GSE1: variants seen among roughly 807,000 people sequenced by gnomAD.
GSE1 encodes the protein genetic suppressor element 1.
A neutral mutation model predicts 112.6 loss-of-function variants in GSE1; 32 were observed. The observed-to-expected ratio is 0.28, with a 90% CI of 0.21 to 0.38. The LOEUF is 0.38. Ranked by LOEUF, GSE1 falls within the 10% of genes least tolerant of loss-of-function variation. GSE1 has a pLI of 1.00. For missense variants in GSE1, 2,348 were observed against 1,699.2 expected (o/e 1.38, Z -6.71); for synonymous variants, 1,115 against 735.6 (o/e 1.52, Z -8.35).
intron 1 of GSE1, among the ~76,000 whole-genome samples, chr16:85,224,947 G>A (rs1430291899): frequency 6.6e-6 from 1 of 152,152 alleles, no homozygotes; most frequent in African/African-American, 2.4e-5. Flanking sequence ...GGCCAATATG[G>A]TGAAACCCTG....
intron 1 of GSE1, among the ~76,000 whole-genome samples, chr16:85,175,605 T>A (rs1597719466): frequency 1.3e-5 from 2 of 152,086 alleles, no homozygotes; most frequent in Non-Finnish European, 1.5e-5. Flanking sequence ...CGACGCTGGG[T>A]TTCTGAGATT....
At chr16:85,667,094 C>T (rs554367432) in intron 13 of GSE1, among the ~76,000 whole-genome samples, 164 of 152,356 alleles carry the variant, frequency 1.1e-3, no homozygotes, top group African/African-American at 3.9e-3. Flanking sequence ...GGTTCTGGAG[C>T]CAGTTCTCCA....
Position 85,500,998 on chromosome 16 carries a change from G to GTTTTTTTTTTTTTTTTTTTTT in GSE1, c.2465-132911_2465-132891dup, listed in dbSNP as rs55650214. Among the ~76,000 whole-genome samples the GTTTTTTTTTTTTTTTTTTTTT allele has an allele frequency of 1.1e-4, 7 of 64,836 alleles. 1 individual carries two copies. Among genetic ancestry groups the GTTTTTTTTTTTTTTTTTTTTT allele is most frequent in the African/African-American group, 3.3e-4 (5 of 15,188 alleles). 42.5% of individuals were successfully genotyped at this position (64,836 alleles called of 152,430 possible). A position where few individuals can be genotyped will look rare whatever the true frequency, so the allele number is the denominator to read the frequency against. On this transcript the variant is annotated intron_variant, in intron 2 of 2. Coordinates refer to the GSE1 transcript ENST00000637419. The stretch of plus-strand genomic sequence containing the variant: ...ACCCTACTCCAGTATGGCCTGTTCT[G>GTTTTTTTTTTTTTTTTTTTTT]TTTTTTTTTTTTTTTTTTTTTTTTT...
intron 2 of GSE1, among the ~76,000 whole-genome samples, chr16:85,532,634 C>T (rs1050050961): frequency 1.3e-5 from 2 of 152,140 alleles, no homozygotes; most frequent in African/African-American, 2.4e-5. Context: ...GGTCGCCTCC[C>T]ACCGCCCCGC....
chr16:85,374,773 CG>C (rs1379968651), intron 2 of GSE1, among the ~76,000 whole-genome samples: 1 of 152,116 alleles, frequency 6.6e-6, no homozygotes, highest in Non-Finnish European at 1.5e-5. Context: ...CACGCAGTTT[CG>C]GGACCCTCGC....
intron 2 of GSE1, among the ~76,000 whole-genome samples, chr16:85,396,423 T>G (rs76943217): frequency 0.018 from 2,748 of 152,280 alleles, 97 homozygotes; most frequent in African/African-American, 0.061. Context: ...CACCTCTGAT[T>G]AGTTGTTTCC....
At chr16:85,491,868 G>A (rs556096585) in intron 2 of GSE1, among the ~76,000 whole-genome samples, 3 of 152,312 alleles carry the variant, frequency 2.0e-5, no homozygotes, top group Non-Finnish European at 2.9e-5. Context: ...GGTCAGCCAG[G>A]GGGTGGCTGT....
At chr16:85,378,068 T>G (rs2047461398) in intron 2 of GSE1, among the ~76,000 whole-genome samples, 1 of 152,154 alleles carries the variant, frequency 6.6e-6, no homozygotes, top group Non-Finnish European at 1.5e-5. Context: ...CCACGTCTCT[T>G]GGAGACAGAC....
At chr16:85,199,719 T>A (rs1400502137) in intron 1 of GSE1, among the ~76,000 whole-genome samples, 1 of 152,060 alleles carries the variant, frequency 6.6e-6, no homozygotes, top group Non-Finnish European at 1.5e-5. Flanking sequence ...CCAAAAAGGA[T>A]GACATTGGGA....
chr16:85,195,631 A>G (rs1261516364), intron 1 of GSE1, among the ~76,000 whole-genome samples: 2 of 152,162 alleles, frequency 1.3e-5, no homozygotes, highest in African/African-American at 4.8e-5. Context: ...ATCGAGGTAA[A>G]GATTCCAGGG....
At chr16:85,551,567 C>T (rs1449648950), upstream of GSE1, among the ~76,000 whole-genome samples, 1 of 152,230 alleles carries the variant, frequency 6.6e-6, no homozygotes, top group Non-Finnish European at 1.5e-5. Flanking sequence ...AGGCTCACGG[C>T]GGGGCACGGT....
chr16:85,668,419 T>C lies in GSE1; in HGVS notation c.3410T>C (p.Ile1137Thr), dbSNP rs200276603. The C allele has an allele frequency of 4.2e-5, 66 of 1,563,794 alleles. No homozygotes were observed. Among genetic ancestry groups the C allele is most frequent in the East Asian group, 2.2e-4 (10 of 44,504 alleles). ...EAVFEAYQEH[I>T]EEQNLERQVL... ...GTTTTTGAAGCTTACCAGGAACACA[T>C]AGAAGGTAAGGGGGTGCTGGGGAAG... The change falls in exon 14 of 16, where the codon ATA becomes ACA. Residue 1137 changes from isoleucine to threonine, a missense_variant. Coordinates refer to ENST00000253458, the MANE Select transcript of GSE1 (RefSeq NM_014615.5).
chr16:85,515,911 C>A (rs907422491), intron 2 of GSE1, among the ~76,000 whole-genome samples: 11 of 152,198 alleles, frequency 7.2e-5, no homozygotes, highest in African/African-American at 2.7e-4. Context: ...GCTGTTCCCA[C>A]CCGGAGCCTG....
intron 1 of GSE1, among the ~76,000 whole-genome samples, chr16:85,179,257 T>A (rs1339498475): frequency 2.0e-5 from 3 of 152,196 alleles, no homozygotes; most frequent in Non-Finnish European, 4.4e-5. Flanking sequence ...ATCATCTAAT[T>A]CGTGCCTTTT....
chr16:85,190,776 A>C (rs1382074473), intron 1 of GSE1, among the ~76,000 whole-genome samples: 2 of 152,172 alleles, frequency 1.3e-5, no homozygotes, highest in Non-Finnish European at 2.9e-5. Context: ...GGGCCATGGG[A>C]GGTCAGCCCC....
At chr16:85,354,031 C>T (rs1289840336) in intron 1 of GSE1, among the ~76,000 whole-genome samples, 1 of 152,230 alleles carries the variant, frequency 6.6e-6, no homozygotes, top group Non-Finnish European at 1.5e-5. Flanking sequence ...TGCTGTCCCT[C>T]CTGTTCCCAC....
At chr16:85,378,257 T>C (rs534688357) in intron 2 of GSE1, among the ~76,000 whole-genome samples, 1 of 152,228 alleles carries the variant, frequency 6.6e-6, no homozygotes, top group South Asian at 2.1e-4. Context: ...GATGTTCAGG[T>C]TCCGCCAGCC....
chr16:85,636,278 C>T (rs1362157653), intron 2 of GSE1, among the ~76,000 whole-genome samples: 2 of 152,234 alleles, frequency 1.3e-5, no homozygotes, highest in African/African-American at 4.8e-5. Flanking sequence ...TCGGTTCACT[C>T]ACCCACCTCA....
At chr16:85,420,609 C>T (rs1159631646) in intron 2 of GSE1, among the ~76,000 whole-genome samples, 2 of 152,164 alleles carry the variant, frequency 1.3e-5, no homozygotes, top group Non-Finnish European at 2.9e-5. Context: ...GACTCACAAA[C>T]ACTGGAGGGC....
Sources: allele counts gnomAD v4.1 joint callset (sites outside exome capture counted in the v4.1 genomes callset), GRCh38; gene constraint gnomAD v4.1.1; transcripts MANE v1.5; gene names NCBI Gene and HGNC (gene_info 2026-07-23, HGNC 2026-07-21).